RCCD1: variants seen among roughly 807,000 people sequenced by gnomAD.
RCCD1 encodes RCC1 domain-containing protein 1.
A neutral mutation model predicts 37.6 loss-of-function variants in RCCD1; 40 were observed. That is an observed-to-expected ratio of 1.06 (90% CI 0.83 to 1.39). RCCD1 has a LOEUF of 1.39. RCCD1 is among the 40% of genes most tolerant of loss of function. The pLI, the probability that RCCD1 is intolerant of heterozygous loss-of-function variation, is 0.00. For synonymous variants in RCCD1, 263 were observed against 230.0 expected (o/e 1.14, Z -1.30); for missense variants, 577 against 517.3 (o/e 1.12, Z -1.12).
chr15:90,956,744 G>T lies in RCCD1; in HGVS notation c.10G>T (p.Glu4Ter). 1 of 1,317,328 alleles carries T rather than the reference G, an allele frequency of 7.6e-7. No homozygotes were observed. The allele number at this position is 1,317,328 out of a possible 1,614,324, so 81.6% of individuals were successfully genotyped here. A position where few individuals can be genotyped will look rare whatever the true frequency, so the allele number is the denominator to read the frequency against. The change falls in exon 2 of 8, where the codon GAG (glutamate) becomes TAG (stop). Residue 4 changes from glutamate to a stop codon, truncating the protein, a stop_gained. Coordinates refer to ENST00000394258, the MANE Select transcript of RCCD1 (RefSeq NM_001017919.2). LOFTEE classifies it high-confidence loss of function. MAE[E>*]RPGAWFGFGF... ...AGGGCGCTGCTCGGGCATGGCGGAGGAGCGGCCGGGGGCCTGGTTCGGCTT... is the reference window on the plus strand; with the variant it reads ...AGGGCGCTGCTCGGGCATGGCGGAGTAGCGGCCGGGGGCCTGGTTCGGCTT...
chr15:90,961,311 A>G, intron 7 of RCCD1: 1 of 586,662 alleles, frequency 1.7e-6, no homozygotes, highest in Admixed American at 3.1e-5. Context: ...GGAGTATCCA[A>G]CCAGCACTTA....
At chr15:90,960,752 G>C in intron 6 of RCCD1, 1 of 609,538 alleles carries the variant, frequency 1.6e-6, no homozygotes, top group Non-Finnish European at 2.9e-6. Flanking sequence ...TTCCCTGCCC[G>C]CCGCCGCCTC....
Position 90,956,601 on chromosome 15 carries a change from C to T in RCCD1, c.-123-11C>T. The T allele has an allele frequency of 1.2e-6, 1 of 864,374 alleles. No homozygotes were observed. The highest frequency in any genetic ancestry group is 1.5e-6 in the Non-Finnish European group (1 of 653,664). 53.5% of individuals were successfully genotyped at this position (864,374 alleles called of 1,614,324 possible). On this transcript the variant is annotated splice_polypyrimidine_tract_variant and intron_variant, in intron 1 of 7. Transcript: ENST00000394258. ...TGTGGTCGGGAGAATGATAGTTTCTCCATTTTACAGATAAGGCAGCTCCAG... is the reference window on the plus strand; with the variant it reads ...TGTGGTCGGGAGAATGATAGTTTCTTCATTTTACAGATAAGGCAGCTCCAG...
At chr15:90,958,036 A>AGG (rs1368779311) in intron 4 of RCCD1, among the ~76,000 whole-genome samples, 1 of 152,086 alleles carries the variant, frequency 6.6e-6, no homozygotes, top group African/African-American at 2.4e-5. Flanking sequence ...ATGGAGTGTG[A>AGG]GGGGGCAGCT....
chr15:90,961,549 C>T (rs1344753473), intron 7 of RCCD1, 69 bp from the exon 8 acceptor site: 7 of 1,514,716 alleles, frequency 4.6e-6, no homozygotes, highest in Admixed American at 3.7e-5. Flanking sequence ...TAGTCTGGGC[C>T]CCTTCCTGGA....
At chr15:90,959,034 C>CAG (rs2037262389) in intron 4 of RCCD1, among the ~76,000 whole-genome samples, 1 of 151,890 alleles carries the variant, frequency 6.6e-6, no homozygotes, top group Admixed American at 6.6e-5. Context: ...ACTCAAGGTC[C>CAG]AGAAGGAGTT....
intron 4 of RCCD1, among the ~76,000 whole-genome samples, chr15:90,958,515 C>T (rs902544265): frequency 6.6e-6 from 1 of 151,016 alleles, no homozygotes; most frequent in African/African-American, 2.4e-5. Context: ...GTAGTCCTGG[C>T]TACTCGGGAG....
intron 6 of RCCD1, 110 bp from the exon 7 acceptor site, chr15:90,960,915 G>C: frequency 1.0e-6 from 1 of 1,000,530 alleles, no homozygotes; most frequent in Admixed American, 1.7e-5. Flanking sequence ...ATGCCAGGCA[G>C]ATCTCATGAG....
chr15:90,957,673 C>A lies in RCCD1; in HGVS notation c.627C>A (p.Gly209=). 1 of 1,614,026 alleles carries A rather than the reference C, an allele frequency of 6.2e-7. No homozygotes were observed. Among genetic ancestry groups the A allele is most frequent in the Non-Finnish European group, 8.5e-7 (1 of 1,179,954 alleles). Residue 209 remains glycine (G), a synonymous_variant, in exon 4 of 8, where the codon GGC becomes GGA. Coordinates refer to ENST00000394258, the MANE Select transcript of RCCD1 (RefSeq NM_001017919.2). ...LEPRLLEALQ[G]LVMAEVAAGG... Reference sequence around the variant, plus strand: ...CACGGCTGTTGGAGGCGTTGCAGGGCCTAGTCATGGCTGAGGTGGCCGCGG... The same window carrying A: ...CACGGCTGTTGGAGGCGTTGCAGGGACTAGTCATGGCTGAGGTGGCCGCGG...
At chr15:90,955,798 A>G (rs1475045048) in intron 1 of RCCD1, 1 of 151,774 alleles carries the variant, frequency 6.6e-6, no homozygotes, top group Admixed American at 6.6e-5. Flanking sequence ...TTTAACGGTT[A>G]GCTCCTTGGG....
At position 90,957,350 on chromosome 15, in the gene RCCD1, C is replaced by T; in HGVS notation, c.404C>T (p.Pro135Leu). 6.5e-7 allele frequency: 1 copy of T among 1,546,160 alleles called. No homozygotes were observed. Among genetic ancestry groups the T allele is most frequent in the Non-Finnish European group, 8.7e-7 (1 of 1,145,734 alleles). ...GGTGAGGCCCAGGCTGGGAGGCTAC[C>T]CCTGCTGCCCTGCGCCCGTGCCTAC... ...PAGEAQAGRL[P>L]LLPCARAYVS... The change falls in exon 3 of 8, where the codon CCC (proline) becomes CTC (leucine). Residue 135 changes from proline (P) to leucine (L), a missense_variant. Coordinates refer to ENST00000394258, the MANE Select transcript of RCCD1 (RefSeq NM_001017919.2).
Position 90,956,800 on chromosome 15 carries a change from C to A in RCCD1, c.66C>A (p.Gly22=). The change falls in exon 2 of 8, where the codon GGC becomes GGA. Residue 22 remains glycine, a synonymous_variant. Coordinates refer to ENST00000394258, the MANE Select transcript of RCCD1 (RefSeq NM_001017919.2). ...FGFCGFGQEL[G]SGRGRQVHSP... ...TCTGCGGCTTCGGGCAGGAGCTGGGCTCCGGACGCGGGCGCCAGGTGCACA... is the reference window on the plus strand; with the variant it reads ...TCTGCGGCTTCGGGCAGGAGCTGGGATCCGGACGCGGGCGCCAGGTGCACA... 2.3e-6 allele frequency: 3 copies of A among 1,315,504 alleles called. No homozygotes were observed. The highest frequency in any genetic ancestry group is 6.4e-5 in the Admixed American group (2 of 31,396). The allele number at this position is 1,315,504 out of a possible 1,614,324, so 81.5% of individuals were successfully genotyped here. A position where few individuals can be genotyped will look rare whatever the true frequency, so the allele number is the denominator to read the frequency against.
Position 90,961,724 on chromosome 15 carries a change from G to A in RCCD1, c.1086G>A (p.Gly362=). ...TCCAAGTAAAGGCTGTCACCTGTGG[G>A]CCGTGGAACACCTACGTGTATGCTG... ...KQLQVKAVTC[G]PWNTYVYAVE... Residue 362 remains glycine (G), a synonymous_variant, in exon 8 of 8, where the codon GGG becomes GGA. Transcript: ENST00000394258. 1 of 1,614,162 alleles carries A rather than the reference G, an allele frequency of 6.2e-7. No homozygotes were observed. Among genetic ancestry groups the A allele is most frequent in the Non-Finnish European group, 8.5e-7 (1 of 1,180,004 alleles).
chr15:90,959,700 A>C, intron 4 of RCCD1, 200 bp from the exon 5 acceptor site: 3 of 452,184 alleles, frequency 6.6e-6, no homozygotes, highest in Non-Finnish European at 1.2e-5. Flanking sequence ...TAAGGGACTT[A>C]AAGGGTGATC....
In RCCD1 at chr15:90,956,752, G is replaced by T. The variant is rs2037202469; in HGVS notation, c.18G>T (p.Pro6=). MAEER[P]GAWFGFGFCG... ...GCTCGGGCATGGCGGAGGAGCGGCC[G>T]GGGGCCTGGTTCGGCTTCGGTTTCT... Residue 6 remains proline, a synonymous_variant, in exon 2 of 8, where the codon CCG becomes CCT. Transcript: ENST00000394258. 7 of 1,323,130 alleles carry T rather than the reference G, an allele frequency of 5.3e-6. No individual in the cohort carries two copies. Among genetic ancestry groups the T allele is most frequent in the Non-Finnish European group, 6.8e-6 (7 of 1,036,466 alleles). 82.0% of individuals were successfully genotyped at this position (1,323,130 alleles called of 1,614,324 possible).
At chr15:90,960,568 A>C (rs975904009) in intron 6 of RCCD1, 70 bp downstream of exon 6, 1 of 1,467,834 alleles carries the variant, frequency 6.8e-7, no homozygotes, top group East Asian at 2.3e-5. Flanking sequence ...GGTCGACGGA[A>C]AAACTTCTGT....
rs555859573 is a variant in RCCD1, at chr15:90,960,888, A to G, written c.950-137A>G. The G allele has an allele frequency of 4.1e-4, 352 of 852,256 alleles. 2 individuals are homozygous for G. The Middle Eastern group carries it at 5.0e-3, about 12-fold the overall frequency. The allele number at this position is 852,256 out of a possible 1,614,324, so 52.8% of individuals were successfully genotyped here. A position where few individuals can be genotyped will look rare whatever the true frequency, so the allele number is the denominator to read the frequency against. On this transcript the variant is annotated intron_variant, in intron 6 of 7. Coordinates refer to ENST00000394258, the MANE Select transcript of RCCD1 (RefSeq NM_001017919.2). ...GCCACGTGTGATCAGCCAGTTGTTA[A>G]GAGAATATGTTGTTCCATGCCAGGC...
chr15:90,956,864 G>C lies in RCCD1; in HGVS notation c.130G>C (p.Val44Leu). ...GCGGGCGGGCGTCGACATCTGCCGC[G>C]TGAGCGCGAGCTGGAGCTACACCGC... ...PLRAGVDICR[V>L]SASWSYTAFV... The change falls in exon 2 of 8, where the codon GTG becomes CTG. Residue 44 changes from valine to leucine, a missense_variant. By Grantham distance (32) the Val-to-Leu change is conservative (BLOSUM62 1). Coordinates refer to ENST00000394258, the MANE Select transcript of RCCD1 (RefSeq NM_001017919.2). 1 of 1,290,730 alleles carries C rather than the reference G, an allele frequency of 7.7e-7. No individual in the cohort carries two copies. The highest frequency in any genetic ancestry group is 9.8e-7 in the Non-Finnish European group (1 of 1,018,944). The allele number at this position is 1,290,730 out of a possible 1,614,324, so 80.0% of individuals were successfully genotyped here.
intron 2 of RCCD1, 43 bp downstream of exon 2, chr15:90,956,943 C>A: frequency 7.9e-7 from 1 of 1,268,062 alleles, no homozygotes; most frequent in South Asian, 3.1e-5. Flanking sequence ...CAGCCGCGCT[C>A]CCCAGTCGCC....
Sources: allele counts gnomAD v4.1 joint callset (sites outside exome capture counted in the v4.1 genomes callset), GRCh38; gene constraint gnomAD v4.1.1; transcripts MANE v1.5; gene names NCBI Gene and HGNC (gene_info 2026-07-23, HGNC 2026-07-21).